Variants in CAMTA1 observed in about 807,000 individuals in gnomAD.
CAMTA1 encodes calmodulin binding transcription activator 1, also known as calmodulin-binding transcription activator 1.
A neutral mutation model predicts 170.9 loss-of-function variants in CAMTA1; 27 were observed. The observed-to-expected ratio is 0.16, with a 90% CI of 0.12 to 0.22. The LOEUF (loss-of-function observed/expected upper bound fraction) is 0.22, where lower values mean the gene tolerates loss of function less well. CAMTA1 is among the 10% of genes least tolerant of loss of function. CAMTA1 has a pLI of 1.00. For synonymous variants in CAMTA1, 833 were observed against 891.5 expected, an observed-to-expected ratio of 0.93 and a Z score of 1.17; for missense variants, 1,619 against 2,217.2, an observed-to-expected ratio of 0.73 and a Z score of 5.42.
intron 3 of CAMTA1, among the ~76,000 whole-genome samples, chr1:7,018,220 C>T (rs559495246): frequency 1.3e-5 from 2 of 152,002 alleles, no homozygotes; most frequent in South Asian, 2.1e-4. Flanking sequence ...GCTTAGGACT[C>T]CTCTCTCGAC....
chr1:7,306,714 T>C (rs1675641344), intron 5 of CAMTA1, among the ~76,000 whole-genome samples: 1 of 151,944 alleles, frequency 6.6e-6, no homozygotes, highest in Non-Finnish European at 1.5e-5. Flanking sequence ...CATCTATAGA[T>C]CACTTTGGGG....
rs189400909 is a variant in CAMTA1 at position 7,449,784 on chromosome 1, A to G, written c.439-18046A>G. Reference sequence around the variant, plus strand: ...GACTCGGTCTCAAAAAAAAAAAAAAAAAAAGAAAGAAAGAAAAAAGAAAAG... The same window carrying G: ...GACTCGGTCTCAAAAAAAAAAAAAAGAAAAGAAAGAAAGAAAAAAGAAAAG... On this transcript the variant is annotated intron_variant, in intron 5 of 22. Coordinates refer to ENST00000303635, the MANE Select transcript of CAMTA1 (RefSeq NM_015215.4). Among the ~76,000 whole-genome samples, 1,348 of 151,200 alleles carry G rather than the reference A, an allele frequency of 8.9e-3. 31 individuals are homozygous for G. Among genetic ancestry groups the G allele is most frequent in the African/African-American group, 0.031 (1,280 of 41,182 alleles).
chr1:7,165,176 T>C (rs1319709674), intron 4 of CAMTA1, among the ~76,000 whole-genome samples: 2 of 152,218 alleles, frequency 1.3e-5, no homozygotes, highest in Non-Finnish European at 2.9e-5. Flanking sequence ...GTTGTCAACA[T>C]AGAAATGAGT....
rs185506044 is a variant in CAMTA1 at position 6,902,371 on chromosome 1, C to G, written c.234+77161C>G. 3.3e-5 allele frequency among the ~76,000 whole-genome samples: 5 copies of G among 152,262 alleles called. No individual in the cohort carries two copies. In the East Asian group the frequency reaches 7.7e-4, roughly 24 times the overall value. On this transcript the variant is annotated intron_variant, in intron 3 of 22. Transcript: ENST00000303635. ...ATGAATAAGCAACTTCATTGGAGTACTACTCACAGTGAAAAGGAACAAAGT... is the reference window on the plus strand; with the variant it reads ...ATGAATAAGCAACTTCATTGGAGTAGTACTCACAGTGAAAAGGAACAAAGT...
chr1:6,822,657 G>A (rs1646626606), intron 2 of CAMTA1, among the ~76,000 whole-genome samples: 1 of 152,096 alleles, frequency 6.6e-6, no homozygotes, highest in Admixed American at 6.6e-5. Context: ...TTAGAAACTA[G>A]ATTGAGAGAG....
At chr1:7,365,498 C>T (rs545265382) in intron 5 of CAMTA1, among the ~76,000 whole-genome samples, 153 of 151,904 alleles carry the variant, frequency 1.0e-3, no homozygotes, top group Non-Finnish European at 9.4e-4. Context: ...AAAGTATAAA[C>T]GTGCAGCCAA....
chr1:7,745,081 G>C (rs2096847647), intron 17 of CAMTA1, 59 bp downstream of exon 17: 2 of 1,473,004 alleles, frequency 1.4e-6, no homozygotes, highest in South Asian at 2.6e-5. Context: ...ATTGGAGGCA[G>C]GGGAGGCTGA....
chr1:7,188,527 T>C (rs925677176), intron 4 of CAMTA1, among the ~76,000 whole-genome samples: 1 of 152,220 alleles, frequency 6.6e-6, no homozygotes, highest in South Asian at 2.1e-4. Flanking sequence ...TGGATTTGAC[T>C]ACTCCAGGGA....
At chr1:7,342,018 A>T (rs1396494895) in intron 5 of CAMTA1, among the ~76,000 whole-genome samples, 1 of 152,214 alleles carries the variant, frequency 6.6e-6, no homozygotes, top group Non-Finnish European at 1.5e-5. Flanking sequence ...GCAATACCTC[A>T]GGGAGTCTTC....
At chr1:7,164,909 T>C (rs1367844982) in intron 4 of CAMTA1, among the ~76,000 whole-genome samples, 1 of 152,244 alleles carries the variant, frequency 6.6e-6, no homozygotes, top group East Asian at 1.9e-4. Context: ...TGTTAAAGTA[T>C]TGCTCTTTGC....
chr1:7,713,268 A>C (rs1238131305), intron 11 of CAMTA1, among the ~76,000 whole-genome samples: 1 of 152,208 alleles, frequency 6.6e-6, no homozygotes, highest in African/African-American at 2.4e-5. Context: ...AGTCTGTGCT[A>C]GGATGGAGTA....
intron 4 of CAMTA1, among the ~76,000 whole-genome samples, chr1:7,242,770 TAAAATAAATAAA>T (rs1293550654): frequency 1.6e-5 from 2 of 124,770 alleles, no homozygotes; most frequent in African/African-American, 7.4e-5. Flanking sequence ...CTACTGAAAA[TAAAATAAATAAA>T]TAAATAAATA....
intron 6 of CAMTA1, among the ~76,000 whole-genome samples, chr1:7,514,761 G>A (rs908588493): frequency 2.6e-5 from 4 of 152,176 alleles, no homozygotes; most frequent in African/African-American, 7.2e-5. Context: ...CCTGGTCCTG[G>A]TGCAGACATC....
chr1:7,155,528 T>C (rs1236588168), intron 4 of CAMTA1, among the ~76,000 whole-genome samples: 1 of 151,606 alleles, frequency 6.6e-6, no homozygotes, highest in East Asian at 1.9e-4. Context: ...TTTTTTTTTT[T>C]TCCAAGAGAT....
At chr1:7,388,855 G>A (rs1293858265) in intron 5 of CAMTA1, among the ~76,000 whole-genome samples, 3 of 152,218 alleles carry the variant, frequency 2.0e-5, no homozygotes, top group Non-Finnish European at 4.4e-5. Flanking sequence ...AAGGCCCTGA[G>A]GCCTCTGAGC....
chr1:7,390,319 C>T (rs2088552361), intron 5 of CAMTA1, among the ~76,000 whole-genome samples: 1 of 152,242 alleles, frequency 6.6e-6, no homozygotes, highest in Admixed American at 6.5e-5. Context: ...GCTCAGGGAC[C>T]TGCTGTCCTC....
At chr1:6,794,880 CT>C (rs1305335139) in intron 1 of CAMTA1, among the ~76,000 whole-genome samples, 9 of 141,956 alleles carry the variant, frequency 6.3e-5, no homozygotes, top group African/African-American at 2.2e-4. Context: ...TAGATAAAGG[CT>C]TTTTTTTTGT....
intron 4 of CAMTA1, among the ~76,000 whole-genome samples, chr1:7,134,981 A>G (rs1171368812): frequency 1.3e-5 from 2 of 152,208 alleles, no homozygotes; most frequent in South Asian, 2.1e-4. Flanking sequence ...AAGAAAACAT[A>G]CAAGTGGCCA....
chr1:7,331,917 A>G (rs1415022500), intron 5 of CAMTA1, among the ~76,000 whole-genome samples: 1 of 152,188 alleles, frequency 6.6e-6, no homozygotes, highest in African/African-American at 2.4e-5. Context: ...TGACAGCAGG[A>G]GGCCCATGAC....
Sources: allele counts gnomAD v4.1 joint callset (sites outside exome capture counted in the v4.1 genomes callset), GRCh38; gene constraint gnomAD v4.1.1; transcripts MANE v1.5; gene names NCBI Gene and HGNC (gene_info 2026-07-23, HGNC 2026-07-21).